MGRN1: variants seen among roughly 807,000 people sequenced by gnomAD.
The protein encoded by MGRN1 is mahogunin ring finger 1.
Under a neutral mutation model 69.2 loss-of-function variants are expected in MGRN1, and 29 were observed. That is an observed-to-expected ratio of 0.42 (90% CI 0.31 to 0.57). The LOEUF (loss-of-function observed/expected upper bound fraction) is 0.57. Among genes scored for constraint, MGRN1 ranks in the 20% least tolerant of loss-of-function variants. The pLI is 0.15. For missense variants in MGRN1, 998 were observed against 796.2 expected (o/e 1.25, Z -3.05); for synonymous variants, 470 against 344.2 (o/e 1.37, Z -4.04).
chr16:4,637,686 C>T (rs914653535), intron 1 of MGRN1, among the ~76,000 whole-genome samples: 1 of 152,236 alleles, frequency 6.6e-6, no homozygotes, highest in Non-Finnish European at 1.5e-5. Flanking sequence ...CGCCATCCTG[C>T]AGTCCTGCAG....
chr16:4,639,367 A>T (rs1567175744), intron 1 of MGRN1, among the ~76,000 whole-genome samples: 1 of 152,124 alleles, frequency 6.6e-6, no homozygotes, highest in Non-Finnish European at 1.5e-5. Flanking sequence ...GGAATAGCCC[A>T]GGCCGGGAAG....
chr16:4,636,648 C>T (rs1042017435), intron 1 of MGRN1, among the ~76,000 whole-genome samples: 11 of 152,170 alleles, frequency 7.2e-5, no homozygotes, highest in African/African-American at 2.4e-4. Flanking sequence ...TGCATTCATA[C>T]TGGCACTAGG....
At chr16:4,653,092 A>G (rs1377697331) in intron 4 of MGRN1, among the ~76,000 whole-genome samples, 1 of 152,212 alleles carries the variant, frequency 6.6e-6, no homozygotes, top group Non-Finnish European at 1.5e-5. Flanking sequence ...CAGTCCCACA[A>G]GACTGCCCCA....
At position 4,681,629 on chromosome 16, in the gene MGRN1, CCA is replaced by C; in HGVS notation, c.1212_1213del (p.Ile405ProfsTer7). 6.2e-7 allele frequency: 1 copy of C among 1,613,504 alleles called. No homozygotes were observed. ...AACGGCCTCCGGGCTGTCTCCCCGGCCATCCCCTCGGCCCCTCTTTATGAAGA... is the reference window on the plus strand; with the variant it reads ...AACGGCCTCCGGGCTGTCTCCCCGGCTCCCCTCGGCCCCTCTTTATGAAGA... On this transcript the variant is annotated frameshift_variant, in exon 13 of 17. Coordinates refer to ENST00000262370, the MANE Select transcript of MGRN1 (RefSeq NM_015246.4). LOFTEE classifies it high-confidence loss of function.
intron 1 of MGRN1, among the ~76,000 whole-genome samples, chr16:4,638,248 C>T (rs544463849): frequency 2.0e-5 from 3 of 151,910 alleles, no homozygotes; most frequent in East Asian, 1.9e-4. Flanking sequence ...GGGTGGATTA[C>T]GAGGTCAGGA....
At chr16:4,626,274 C>A (rs181827402) in intron 1 of MGRN1, among the ~76,000 whole-genome samples, 43 of 152,338 alleles carry the variant, frequency 2.8e-4, no homozygotes, top group Non-Finnish European at 5.6e-4. Flanking sequence ...GAGAGCACAG[C>A]TGTATCCCAG....
chr16:4,643,195 T>G (rs542718010), intron 1 of MGRN1, among the ~76,000 whole-genome samples: 23 of 151,840 alleles, frequency 1.5e-4, no homozygotes, highest in Non-Finnish European at 2.8e-4. Flanking sequence ...CTCCTGACCT[T>G]GTGATCCACT....
At chr16:4,678,433 T>C (rs1471638293) in intron 11 of MGRN1, among the ~76,000 whole-genome samples, 1 of 145,448 alleles carries the variant, frequency 6.9e-6, no homozygotes, top group Non-Finnish European at 1.5e-5. Flanking sequence ...AGAGACAGGA[T>C]GAGAGAGATG....
chr16:4,664,534 A>G lies in MGRN1; in HGVS notation c.562-175A>G, dbSNP rs1384451260. ...GTGTTGTATCTGTTTTAACACACAC[A>G]TAAAAAAGGTGCCAAGCCTGGCATC... On this transcript the variant is annotated intron_variant, in intron 5 of 16. Coordinates refer to ENST00000262370, the MANE Select transcript of MGRN1 (RefSeq NM_015246.4). 6.2e-6 allele frequency: 4 copies of G among 641,538 alleles called. No individual in the cohort carries two copies. The East Asian group carries it at 8.0e-5, about 13-fold the overall frequency. 39.7% of individuals were successfully genotyped at this position (641,538 alleles called of 1,614,324 possible).
At chr16:4,685,586 C>G (rs2079293763) in intron 16 of MGRN1, among the ~76,000 whole-genome samples, 1 of 152,260 alleles carries the variant, frequency 6.6e-6, no homozygotes, top group African/African-American at 2.4e-5. Context: ...CCTGCACGGC[C>G]TCAGTTCTGA....
Position 4,681,604 on chromosome 16 carries a change from AACG to A in MGRN1, c.1187_1189del (p.Asn396_Gly397delinsSer). On this transcript the variant is annotated inframe_deletion, in exon 13 of 17. Coordinates refer to ENST00000262370, the MANE Select transcript of MGRN1 (RefSeq NM_015246.4). ...GCCCATCTCGCTGCTCGAGGCGCTC[AACG>A]GCCTCCGGGCTGTCTCCCCGGCCAT... 2 of 1,613,544 alleles carry A rather than the reference AACG, an allele frequency of 1.2e-6. No individual in the cohort carries two copies. The highest frequency in any genetic ancestry group is 1.7e-6 in the Non-Finnish European group (2 of 1,180,008).
intron 1 of MGRN1, among the ~76,000 whole-genome samples, chr16:4,644,371 C>T (rs544051875): frequency 6.8e-6 from 1 of 146,068 alleles, no homozygotes; most frequent in Admixed American, 7.0e-5. Context: ...GGACAGCTGG[C>T]CCAATCTCAG....
chr16:4,675,562 A>C (rs1567227110), intron 10 of MGRN1, among the ~76,000 whole-genome samples: 2 of 152,098 alleles, frequency 1.3e-5, no homozygotes. Flanking sequence ...AACATGGCGA[A>C]ACCCCATCTG....
At chr16:4,657,890 C>A (rs1399138672) in intron 5 of MGRN1, among the ~76,000 whole-genome samples, 8 of 151,756 alleles carry the variant, frequency 5.3e-5, no homozygotes, top group Admixed American at 5.3e-4. Flanking sequence ...CTACAGGCGC[C>A]TGCCACCACG....
chr16:4,634,847 C>G (rs1343712271), intron 1 of MGRN1: 1 of 152,252 alleles, frequency 6.6e-6, no homozygotes, highest in Admixed American at 6.5e-5. Context: ...CTCACGTGGT[C>G]TTGGGTATGT....
chr16:4,652,359 G>T (rs1316680916), intron 3 of MGRN1, among the ~76,000 whole-genome samples: 1 of 152,054 alleles, frequency 6.6e-6, no homozygotes, highest in Non-Finnish European at 1.5e-5. Context: ...TGCACAGGAC[G>T]GCCCCCCCAC....
chr16:4,650,237 A>C, intron 1 of MGRN1, 128 bp from the exon 2 acceptor site: 1 of 658,214 alleles, frequency 1.5e-6, no homozygotes, highest in Non-Finnish European at 2.6e-6. Context: ...CGGTGGGCGG[A>C]GCTTGCAGTG....
chr16:4,660,307 G>A (rs1004238368), intron 5 of MGRN1, among the ~76,000 whole-genome samples: 2 of 152,242 alleles, frequency 1.3e-5, no homozygotes, highest in Admixed American at 6.5e-5. Context: ...GGGTGGCCAC[G>A]AGGGGTCCGT....
rs766556602 is a variant in MGRN1, at chr16:4,681,638, C to T, written c.1220C>T (p.Ser407Leu). 8.1e-6 allele frequency: 13 copies of T among 1,613,428 alleles called. No homozygotes were observed. Among genetic ancestry groups the T allele is most frequent in the Non-Finnish European group, 7.6e-6 (9 of 1,180,038 alleles). Residue 407 changes from serine (S) to leucine (L), a missense_variant, in exon 13 of 17, where the codon TCG (serine) becomes TTG (leucine). By Grantham distance (145) the Ser-to-Leu change is moderately radical (BLOSUM62 -2). Coordinates refer to ENST00000262370, the MANE Select transcript of MGRN1 (RefSeq NM_015246.4). ...GLRAVSPAIP[S>L]APLYEEITYS... ...CGGGCTGTCTCCCCGGCCATCCCCTCGGCCCCTCTTTATGAAGAAATCACC... is the reference window on the plus strand; with the variant it reads ...CGGGCTGTCTCCCCGGCCATCCCCTTGGCCCCTCTTTATGAAGAAATCACC...
Sources: allele counts gnomAD v4.1 joint callset (sites outside exome capture counted in the v4.1 genomes callset), GRCh38; gene constraint gnomAD v4.1.1; transcripts MANE v1.5; gene names NCBI Gene and HGNC (gene_info 2026-07-23, HGNC 2026-07-21).